Variants in ZNF426 observed in about 807,000 individuals in gnomAD.
The protein encoded by ZNF426 is zinc finger protein 426.
A neutral mutation model predicts 24.0 loss-of-function variants in ZNF426; 23 were observed. That is an observed-to-expected ratio of 0.96 (90% CI 0.69 to 1.36). The LOEUF (loss-of-function observed/expected upper bound fraction) is 1.36. Among genes scored for constraint, ZNF426 ranks in the 40% most tolerant of loss-of-function variants. The pLI is 0.00. For synonymous variants in ZNF426, 272 were observed against 224.6 expected (o/e 1.21, Z -1.89); for missense variants, 646 against 658.4 (o/e 0.98, Z 0.21).
intron 6 of ZNF426, 38 bp from the exon 7 acceptor site, chr19:9,531,105 C>T: frequency 6.5e-7 from 1 of 1,545,150 alleles, no homozygotes. Context: ...AGGACTCAAG[C>T]TAGGCACAGT....
At chr19:9,530,122 AAAT>A (rs60239218) in intron 7 of ZNF426, among the ~76,000 whole-genome samples, 8 of 151,634 alleles carry the variant, frequency 5.3e-5, no homozygotes, top group Admixed American at 1.3e-4. Flanking sequence ...CTCCGTCTCA[AAAT>A]AATAATAATA....
chr19:9,535,877 C>G (rs1568487684), intron 3 of ZNF426, among the ~76,000 whole-genome samples: 2 of 151,358 alleles, frequency 1.3e-5, no homozygotes, highest in East Asian at 3.9e-4. Context: ...AAACATACAA[C>G]CTACTACCAT....
At position 9,532,884 on chromosome 19, in the gene ZNF426, G is replaced by C. The variant is rs1191005434; in HGVS notation, c.286C>G (p.Gln96Glu). The C allele has an allele frequency of 1.9e-6, 3 of 1,613,868 alleles. No individual in the cohort carries two copies. Among genetic ancestry groups the C allele is most frequent in the East Asian group, 2.2e-5 (1 of 44,876 alleles). ...IKPSLISWLE[Q>E]EESRTVQGGV... ...CCCTGAACTGTCCTTGACTCTTCTT[G>C]TTCCAACCAAGAGATTAGACTGGGT... The change falls in exon 6 of 8, where the codon CAA becomes GAA. Residue 96 changes from glutamine to glutamate, a missense_variant. Physicochemically the swap from Gln to Glu is conservative, Grantham distance 29. Transcript: ENST00000253115.
chr19:9,537,420 G>C (rs988470811), intron 2 of ZNF426, among the ~76,000 whole-genome samples: 2 of 149,152 alleles, frequency 1.3e-5, no homozygotes, highest in Admixed American at 1.3e-4. Context: ...CAAATATTCA[G>C]TTTGGTGGCA....
rs1348017852 is a variant in ZNF426, at chr19:9,526,592, CA to C, written c.*1787del. The C allele has an allele frequency of 6.6e-6, 1 of 151,082 alleles. No individual in the cohort carries two copies. Among genetic ancestry groups the C allele is most frequent in the African/African-American group, 2.4e-5 (1 of 41,054 alleles). 9.4% of individuals were successfully genotyped at this position (151,082 alleles called of 1,614,324 possible). A position where few individuals can be genotyped will look rare whatever the true frequency, so the allele number is the denominator to read the frequency against. ...AAAAGCAAAGAGAAGAATAAAAAAA[CA>C]AGATATAAGAACTGTGGGATAACTA... On this transcript the variant is annotated 3_prime_UTR_variant, in exon 8 of 8. Transcript: ENST00000253115.
intron 2 of ZNF426, among the ~76,000 whole-genome samples, chr19:9,537,986 T>G (rs900753533): frequency 6.2e-4 from 94 of 152,162 alleles, no homozygotes; most frequent in Admixed American, 2.1e-3. Context: ...TCTCTTGGGA[T>G]GTACAGGCCT....
chr19:9,535,092 AAAAAG>A lies in ZNF426; in HGVS notation c.117+91_117+95del, dbSNP rs1336973971. 1.0e-3 allele frequency: 1,010 copies of A among 971,632 alleles called. 6 individuals are homozygous for A. The African/African-American group carries it at 0.016, about 15-fold the overall frequency. The allele number at this position is 971,632 out of a possible 1,614,324, so 60.2% of individuals were successfully genotyped here. ...GACTCCCTCTCAAAAAAAAAAAAAA[AAAAAG>A]AAGTCTGGAGACAACTCTGCCTAGA... On this transcript the variant is annotated intron_variant, in intron 4 of 7. Coordinates refer to ENST00000253115, the MANE Select transcript of ZNF426 (RefSeq NM_024106.3).
At chr19:9,537,854 A>G (rs547840349) in intron 2 of ZNF426, among the ~76,000 whole-genome samples, 26 of 151,908 alleles carry the variant, frequency 1.7e-4, no homozygotes, top group Non-Finnish European at 3.7e-4. Context: ...GGGTTTCACC[A>G]TCTTAGCCAG....
chr19:9,536,050 T>C lies in ZNF426; in HGVS notation c.25+158A>G, dbSNP rs533733893. Among the ~76,000 whole-genome samples, 69 of 152,178 alleles carry C rather than the reference T, an allele frequency of 4.5e-4. 1 individual carries two copies. The South Asian group carries it at 0.013, about 29-fold the overall frequency. ...GATTATGCAGTACCTCTTTCCAAAA[T>C]TCACAGGCAGAGCCTGACTCACAAG... On this transcript the variant is annotated intron_variant, in intron 3 of 7. Coordinates refer to ENST00000253115, the MANE Select transcript of ZNF426 (RefSeq NM_024106.3).
At chr19:9,532,760 AAGT>A (rs2073905902) in intron 6 of ZNF426, 82 bp downstream of exon 6, 1 of 974,746 alleles carries the variant, frequency 1.0e-6, no homozygotes, top group Non-Finnish European at 1.6e-6. Flanking sequence ...TGCAGGGAGA[AAGT>A]ACATGTTAAA....
chr19:9,531,404 T>A (rs115510796), intron 6 of ZNF426, among the ~76,000 whole-genome samples: 1 of 152,006 alleles, frequency 6.6e-6, no homozygotes, highest in Non-Finnish European at 1.5e-5. Context: ...ATGAAAGGAT[T>A]TGGAGAAAGA....
At position 9,537,856 on chromosome 19, in the gene ZNF426, C is replaced by T. The variant is rs569849314; in HGVS notation, c.-125+403G>A. Among the ~76,000 whole-genome samples the T allele has an allele frequency of 9.9e-5, 15 of 151,974 alleles. No individual in the cohort carries two copies. In the South Asian group the frequency reaches 3.1e-3, roughly 32 times the overall value. ...TTTAGTAGAGACGGGGTTTCACCAT[C>T]TTAGCCAGGCTGGTTTCAAACTCCT... On this transcript the variant is annotated intron_variant, in intron 2 of 7. Transcript: ENST00000253115.
At position 9,536,107 on chromosome 19, in the gene ZNF426, C is replaced by T. The variant is rs936905932; in HGVS notation, c.25+101G>A. 4.6e-6 allele frequency: 7 copies of T among 1,526,806 alleles called. No homozygotes were observed. The East Asian group carries it at 1.6e-4, about 34-fold the overall frequency. 94.6% of individuals were successfully genotyped at this position (1,526,806 alleles called of 1,614,324 possible). A position where few individuals can be genotyped will look rare whatever the true frequency, so the allele number is the denominator to read the frequency against. ...CGTTCTGGCACCCCTCAGCACCTCC[C>T]AAATGAATCAGCAACATGACCAGCT... On this transcript the variant is annotated intron_variant, in intron 3 of 7. Transcript: ENST00000253115.
chr19:9,528,383 G>A lies in ZNF426; in HGVS notation c.1662C>T (p.His554=). 1.3e-6 allele frequency: 2 copies of A among 1,570,524 alleles called. No homozygotes were observed. Among genetic ancestry groups the A allele is most frequent in the Non-Finnish European group, 1.7e-6 (2 of 1,160,688 alleles). The stretch of plus-strand genomic sequence containing the variant: ...TTATTACATGGACAGTTTCTCACTA[G>A]TGAATTTGTTCATGTCTTCGAAGTG... ...PRSLRRHEQI[H] Residue 554 remains histidine (H), a synonymous_variant, in exon 8 of 8, where the codon CAC becomes CAT. Transcript: ENST00000253115.
In ZNF426 at chr19:9,524,505, G is replaced by C. The variant is rs1182166806; in HGVS notation, c.*3875C>G. The C allele has an allele frequency of 1.3e-5, 2 of 152,224 alleles. No individual in the cohort carries two copies. Among genetic ancestry groups the C allele is most frequent in the African/African-American group, 4.8e-5 (2 of 41,450 alleles). 9.4% of individuals were successfully genotyped at this position (152,224 alleles called of 1,614,324 possible). A position where few individuals can be genotyped will look rare whatever the true frequency, so the allele number is the denominator to read the frequency against. On this transcript the variant is annotated 3_prime_UTR_variant, in exon 8 of 8. Coordinates refer to ENST00000253115, the MANE Select transcript of ZNF426 (RefSeq NM_024106.3). ...ACTGTAAGAATTGAAGAACTGGCTG[G>C]GCGTGATGGCTCATGCCTGTAATCT...
At position 9,523,388 on chromosome 19, in the gene ZNF426, A is replaced by C. The variant is rs2073761319; in HGVS notation, c.*4992T>G. 1 of 152,112 alleles carries C rather than the reference A, an allele frequency of 6.6e-6. No homozygotes were observed. The highest frequency in any genetic ancestry group is 1.5e-5 in the Non-Finnish European group (1 of 68,000). 9.4% of individuals were successfully genotyped at this position (152,112 alleles called of 1,614,324 possible). A position where few individuals can be genotyped will look rare whatever the true frequency, so the allele number is the denominator to read the frequency against. ...AACCATTTCCGGTCACTTCACATAA[A>C]ATTCTGTGCCTGCTACCCTGGTATC... On this transcript the variant is annotated 3_prime_UTR_variant, in exon 8 of 8. Coordinates refer to ENST00000253115, the MANE Select transcript of ZNF426 (RefSeq NM_024106.3).
rs530058774 is a variant in ZNF426 at position 9,524,498 on chromosome 19, C to G, written c.*3882G>C. On this transcript the variant is annotated 3_prime_UTR_variant, in exon 8 of 8. Coordinates refer to ENST00000253115, the MANE Select transcript of ZNF426 (RefSeq NM_024106.3). ...GAAAGGGACTGTAAGAATTGAAGAA[C>G]TGGCTGGGCGTGATGGCTCATGCCT... is the stretch of plus-strand genomic sequence containing the variant. 6.6e-6 allele frequency: 1 copy of G among 152,296 alleles called. No individual in the cohort carries two copies. Among genetic ancestry groups the G allele is most frequent in the East Asian group, 1.9e-4 (1 of 5,188 alleles). The allele number at this position is 152,296 out of a possible 1,614,324, so 9.4% of individuals were successfully genotyped here.
At chr19:9,533,333 G>A (rs947388881) in intron 5 of ZNF426, among the ~76,000 whole-genome samples, 6 of 151,996 alleles carry the variant, frequency 3.9e-5, no homozygotes, top group Admixed American at 2.0e-4. Context: ...GCGCATGCCA[G>A]TAATCCCAGC....
intron 6 of ZNF426, 149 bp downstream of exon 6, chr19:9,532,696 A>T (rs1287464968): frequency 1.7e-6 from 1 of 586,672 alleles, no homozygotes; most frequent in East Asian, 2.9e-5. Flanking sequence ...TGTAAATAAA[A>T]GCGTGTGGGA....
Sources: gnomAD v4.1 joint callset for allele counts (sites outside exome capture counted in the v4.1 genomes callset) on GRCh38, gnomAD v4.1.1 for gene constraint, MANE v1.5 for transcripts, NCBI Gene and HGNC (gene_info 2026-07-23, HGNC 2026-07-21) for gene names.